Variants in ZDHHC2 observed in about 807,000 individuals in gnomAD.
The protein encoded by ZDHHC2 is zDHHC palmitoyltransferase 2.
Under a neutral mutation model 55.6 loss-of-function variants are expected in ZDHHC2, and 51 were observed. That is an observed-to-expected ratio of 0.92 (90% CI 0.73 to 1.16). ZDHHC2 has a LOEUF of 1.16. Ranked by LOEUF, ZDHHC2 falls within the 50% of genes most tolerant of loss-of-function variation. ZDHHC2 has a pLI of 0.00. For missense variants in ZDHHC2, 491 were observed against 442.4 expected (o/e 1.11, Z -0.99); for synonymous variants, 199 against 152.9 (o/e 1.30, Z -2.22).
In ZDHHC2 at chr8:17,221,029, T is replaced by G. The variant is rs1423490509; in HGVS notation, c.*808T>G. 6.6e-6 allele frequency: 1 copy of G among 152,364 alleles called. No individual in the cohort carries two copies. Among genetic ancestry groups the G allele is most frequent in the African/African-American group, 2.4e-5 (1 of 41,460 alleles). The allele number at this position is 152,364 out of a possible 1,614,324, so 9.4% of individuals were successfully genotyped here. A position where few individuals can be genotyped will look rare whatever the true frequency, so the allele number is the denominator to read the frequency against. ...TGTTTTATGACATTCTTTTGTCAGT[T>G]TGGCTTTCTAAAAATCTCTTTTTAG... On this transcript the variant is annotated 3_prime_UTR_variant, in exon 13 of 13. Transcript: ENST00000262096.
Position 17,169,150 on chromosome 8 carries a change from A to T in ZDHHC2, c.130+12297A>T, listed in dbSNP as rs542440272. Reference sequence around the variant, plus strand: ...TTTTGATGCAGGTGTCACCCAGAGAAGCCTGTATATGCCCTTGTAAACATG... The same window carrying T: ...TTTTGATGCAGGTGTCACCCAGAGATGCCTGTATATGCCCTTGTAAACATG... On this transcript the variant is annotated intron_variant, in intron 1 of 12. Transcript: ENST00000262096. Among the ~76,000 whole-genome samples the T allele has an allele frequency of 3.9e-5, 6 of 152,056 alleles. No individual in the cohort carries two copies. The East Asian group carries it at 1.2e-3, about 29-fold the overall frequency.
At chr8:17,197,050 A>G (rs1463851550) in intron 4 of ZDHHC2, among the ~76,000 whole-genome samples, 1 of 152,236 alleles carries the variant, frequency 6.6e-6, no homozygotes, top group Non-Finnish European at 1.5e-5. Context: ...CTACAAAGAC[A>G]GAGATGTGCT....
At chr8:17,172,415 CA>C (rs1804903746) in intron 1 of ZDHHC2, among the ~76,000 whole-genome samples, 1 of 152,124 alleles carries the variant, frequency 6.6e-6, no homozygotes, top group African/African-American at 2.4e-5. Context: ...TGGTGGTTGC[CA>C]GGGGCTGAAG....
rs762632269 is a variant in ZDHHC2, at chr8:17,208,003, T to G, written c.641T>G (p.Leu214Ter). Residue 214 changes from leucine (L) to a stop codon, truncating the protein, a stop_gained, in exon 8 of 13, where the codon TTA becomes TGA. Coordinates refer to ENST00000262096, the MANE Select transcript of ZDHHC2 (RefSeq NM_016353.5). LOFTEE classifies it high-confidence loss of function. Reference protein sequence around the residue: ...DTQAKFHIMFLFFAAAMFSVS... With the variant: ...DTQAKFHIMF Reference sequence around the variant, plus strand: ...CAAGCCAAGTTCCATATTATGTTTTTATTCTTTGCTGCAGCTATGTTTTCT... The same window carrying G: ...CAAGCCAAGTTCCATATTATGTTTTGATTCTTTGCTGCAGCTATGTTTTCT... 1 of 1,594,310 alleles carries G rather than the reference T, an allele frequency of 6.3e-7. No homozygotes were observed. Among genetic ancestry groups the G allele is most frequent in the Non-Finnish European group, 8.6e-7 (1 of 1,169,432 alleles).
At chr8:17,174,317 G>T (rs1805017232) in intron 1 of ZDHHC2, among the ~76,000 whole-genome samples, 1 of 152,094 alleles carries the variant, frequency 6.6e-6, no homozygotes, top group Admixed American at 6.6e-5. Flanking sequence ...TGAGAACATA[G>T]ATTTCTATTT....
chr8:17,196,138 T>G (rs1293562009), intron 4 of ZDHHC2, among the ~76,000 whole-genome samples: 1 of 152,162 alleles, frequency 6.6e-6, no homozygotes, highest in Non-Finnish European at 1.5e-5. Flanking sequence ...ATCTCTTACT[T>G]GGGACATATT....
chr8:17,204,303 T>C (rs1386083661), intron 6 of ZDHHC2, among the ~76,000 whole-genome samples: 1 of 151,646 alleles, frequency 6.6e-6, no homozygotes, highest in Non-Finnish European at 1.5e-5. Context: ...CAATGGAGAG[T>C]GAGATGATTT....
intron 1 of ZDHHC2, among the ~76,000 whole-genome samples, chr8:17,176,818 G>GA (rs992128415): frequency 1.5e-4 from 22 of 144,168 alleles, no homozygotes; most frequent in Admixed American, 1.0e-3. Flanking sequence ...GGACAACAAA[G>GA]AAAAAAAAAG....
Position 17,215,320 on chromosome 8 carries a change from G to A in ZDHHC2, c.1034G>A (p.Ser345Asn). ...LLTDSQSWTE[S>N]SINPGKCKAG... ...ACTGATTCTCAGTCTTGGACGGAGA[G>A]CAGCATAAACCCAGGAAAATGCAAA... Residue 345 changes from serine (S) to asparagine (N), a missense_variant, in exon 11 of 13, where the codon AGC becomes AAC. Ser to Asn is a conservative substitution (Grantham distance 46). Transcript: ENST00000262096. 1 of 1,590,690 alleles carries A rather than the reference G, an allele frequency of 6.3e-7. No individual in the cohort carries two copies. Among genetic ancestry groups the A allele is most frequent in the Non-Finnish European group, 8.6e-7 (1 of 1,167,872 alleles).
At position 17,215,294 on chromosome 8, in the gene ZDHHC2, T is replaced by C. The variant is rs984315300; in HGVS notation, c.1008T>C (p.Leu336=). ...KPLRESQSHL[L]TDSQSWTESS... is the part of the protein sequence containing the mutation. ...TGAGAGAGTCCCAGAGCCACCTTCT[T>C]ACTGATTCTCAGTCTTGGACGGAGA... Residue 336 remains leucine (L), a synonymous_variant, in exon 11 of 13, where the codon CTT becomes CTC. Coordinates refer to ENST00000262096, the MANE Select transcript of ZDHHC2 (RefSeq NM_016353.5). The C allele has an allele frequency of 5.0e-6, 8 of 1,601,668 alleles. No homozygotes were observed. The highest frequency in any genetic ancestry group is 6.8e-6 in the Non-Finnish European group (8 of 1,174,030).
intron 11 of ZDHHC2, among the ~76,000 whole-genome samples, chr8:17,216,250 T>G (rs1200785192): frequency 1.3e-5 from 2 of 152,158 alleles, no homozygotes; most frequent in African/African-American, 4.8e-5. Context: ...GTACGAGAGT[T>G]TGAAGAAACC....
chr8:17,187,648 T>A (rs1412134404), intron 3 of ZDHHC2, among the ~76,000 whole-genome samples: 2 of 152,122 alleles, frequency 1.3e-5, no homozygotes, highest in Admixed American at 6.6e-5. Flanking sequence ...TCCTACCATA[T>A]TTGCTTCTTT....
chr8:17,219,270 A>C (rs1293676446), intron 12 of ZDHHC2, among the ~76,000 whole-genome samples: 18 of 150,894 alleles, frequency 1.2e-4, no homozygotes, highest in Non-Finnish European at 2.4e-4. Context: ...AAAAAAAAAA[A>C]AAAAAAAACA....
At chr8:17,197,760 C>T in intron 5 of ZDHHC2, 109 bp downstream of exon 5, 2 of 1,220,630 alleles carry the variant, frequency 1.6e-6, no homozygotes, top group Admixed American at 2.0e-5. Context: ...TCTCGCTTCT[C>T]AGCCCTTGAT....
intron 1 of ZDHHC2, among the ~76,000 whole-genome samples, chr8:17,178,090 AC>A (rs1299258649): frequency 1.3e-5 from 2 of 152,190 alleles, no homozygotes; most frequent in Admixed American, 6.5e-5. Context: ...GTGTAGTAGC[AC>A]ACAAGTAGCC....
intron 1 of ZDHHC2, among the ~76,000 whole-genome samples, chr8:17,164,714 A>C (rs911580567): frequency 5.3e-5 from 8 of 151,928 alleles, no homozygotes; most frequent in Non-Finnish European, 1.0e-4. Flanking sequence ...TCCTTATAAA[A>C]ATAAGTTCAT....
chr8:17,166,627 A>G (rs1804612978), intron 1 of ZDHHC2, among the ~76,000 whole-genome samples: 1 of 152,206 alleles, frequency 6.6e-6, no homozygotes. Flanking sequence ...GAAATGGACC[A>G]AAGATGACCA....
Position 17,205,686 on chromosome 8 carries a change from A to G in ZDHHC2, c.508A>G (p.Lys170Glu), listed in dbSNP as rs374230239. The change falls in exon 7 of 13, where the codon AAG becomes GAG. Residue 170 changes from lysine to glutamate, a missense_variant. Coordinates refer to ENST00000262096, the MANE Select transcript of ZDHHC2 (RefSeq NM_016353.5). ...VNNCVGFSNY[K>E]FFLLFLAYSL... ...CAATTGTGTTGGATTTTCAAATTAT[A>G]AGTTCTTTCTCCTTTTCTTGGCTTA... is the stretch of plus-strand genomic sequence containing the variant. The G allele has an allele frequency of 4.4e-6, 7 of 1,606,616 alleles. No individual in the cohort carries two copies. Among genetic ancestry groups the G allele is most frequent in the African/African-American group, 1.3e-5 (1 of 74,422 alleles).
intron 6 of ZDHHC2, among the ~76,000 whole-genome samples, chr8:17,202,703 T>C (rs568783729): frequency 1.4e-5 from 2 of 147,208 alleles, no homozygotes; most frequent in South Asian, 4.3e-4. Flanking sequence ...AAAATAAATG[T>C]CACTATATTT....
Sources: gnomAD v4.1 joint callset for allele counts (sites outside exome capture counted in the v4.1 genomes callset) on GRCh38, gnomAD v4.1.1 for gene constraint, MANE v1.5 for transcripts, NCBI Gene and HGNC (gene_info 2026-07-23, HGNC 2026-07-21) for gene names.